Variants in SOX6 observed in about 807,000 individuals in gnomAD.
SOX6 encodes transcription factor SOX-6.
SOX6 carries 11 observed loss-of-function variants against 97.8 expected under a neutral mutation model. The observed-to-expected ratio is 0.11, with a 90% CI of 0.07 to 0.19. SOX6 has a LOEUF of 0.19. Among genes scored for constraint, SOX6 ranks in the 10% least tolerant of loss-of-function variants. The pLI is 1.00. For missense variants in SOX6, 810 were observed against 1,039.5 expected, an observed-to-expected ratio of 0.78 and a Z score of 3.04; for synonymous variants, 360 against 371.4, an observed-to-expected ratio of 0.97 and a Z score of 0.35.
At chr11:16,364,959 AC>A (rs1331527299) in intron 1 of SOX6, among the ~76,000 whole-genome samples, 1 of 152,136 alleles carries the variant, frequency 6.6e-6, no homozygotes, top group African/African-American at 2.4e-5. Context: ...AGTAACACAT[AC>A]TTTTATCTCG....
intron 12 of SOX6, among the ~76,000 whole-genome samples, chr11:16,041,644 A>G (rs191526782): frequency 3.9e-5 from 6 of 152,292 alleles, no homozygotes; most frequent in Admixed American, 6.5e-5. Context: ...TAAAAAAATT[A>G]TAGATTAAAA....
chr11:16,093,644 C>T (rs997272256), intron 9 of SOX6, among the ~76,000 whole-genome samples: 1 of 151,834 alleles, frequency 6.6e-6, no homozygotes, highest in Non-Finnish European at 1.5e-5. Flanking sequence ...TCCTAAGAAT[C>T]TCTGTTTAGA....
chr11:16,084,390 C>G (rs552917232), intron 9 of SOX6, among the ~76,000 whole-genome samples: 1 of 151,828 alleles, frequency 6.6e-6, no homozygotes, highest in South Asian at 2.1e-4. Context: ...AGTACATGTT[C>G]AATAAATATT....
At chr11:16,661,348 G>C (rs929336512) in intron 3 of SOX6, among the ~76,000 whole-genome samples, 2 of 151,868 alleles carry the variant, frequency 1.3e-5, no homozygotes, top group Admixed American at 1.3e-4. Context: ...TTTAAATTGG[G>C]CTTTTTGTAA....
chr11:16,494,311 C>T (rs893744682), intron 4 of SOX6, among the ~76,000 whole-genome samples: 6 of 151,986 alleles, frequency 3.9e-5, no homozygotes, highest in Non-Finnish European at 5.9e-5. Flanking sequence ...AGAAGGCGGA[C>T]GTTGCAGTGA....
intron 3 of SOX6, among the ~76,000 whole-genome samples, chr11:16,281,371 G>C (rs1308291736): frequency 6.6e-6 from 1 of 151,946 alleles, no homozygotes; most frequent in Non-Finnish European, 1.5e-5. Context: ...ACATTTATTT[G>C]AATGAAAGAC....
chr11:16,333,809 A>G (rs1486537032), intron 2 of SOX6, among the ~76,000 whole-genome samples: 1 of 152,144 alleles, frequency 6.6e-6, no homozygotes, highest in Non-Finnish European at 1.5e-5. Flanking sequence ...TCTAAGCTAC[A>G]CTTTGGTCAT....
intron 3 of SOX6, among the ~76,000 whole-genome samples, chr11:16,693,921 T>C (rs1848034185): frequency 1.3e-5 from 2 of 152,224 alleles, no homozygotes; most frequent in African/African-American, 4.8e-5. Context: ...TCAATATTTA[T>C]TTTAAGATAG....
Position 16,373,253 on chromosome 11 carries a change from C to T in SOX6, c.-4-32001G>A, listed in dbSNP as rs12798123. Among the ~76,000 whole-genome samples the T allele has an allele frequency of 6.1e-3, 928 of 152,116 alleles. 4 individuals are homozygous for T. Among genetic ancestry groups the T allele is most frequent in the Non-Finnish European group, 8.9e-3 (602 of 67,976 alleles). Reference sequence around the variant, plus strand: ...AATGACAACCACAAAGGACAATTCACGATATGCAGTTCTATATGTCTACAA... The same window carrying T: ...AATGACAACCACAAAGGACAATTCATGATATGCAGTTCTATATGTCTACAA... On this transcript the variant is annotated intron_variant, in intron 1 of 15. Coordinates refer to the SOX6 transcript ENST00000396356.
intron 1 of SOX6, among the ~76,000 whole-genome samples, chr11:16,352,681 A>T (rs1003520441): frequency 1.3e-5 from 2 of 152,152 alleles, no homozygotes; most frequent in African/African-American, 4.8e-5. Context: ...ACTAATTTAT[A>T]CCATTCCTGT....
intron 1 of SOX6, chr11:16,402,628 AT>A (rs762731836): frequency 1.6e-5 from 26 of 1,594,436 alleles, no homozygotes; most frequent in Non-Finnish European, 2.1e-5. Flanking sequence ...TTACCCTTTC[AT>A]TTTTTTTAAC....
At chr11:16,023,440 G>A (rs1855126763) in intron 12 of SOX6, 1 of 151,904 alleles carries the variant, frequency 6.6e-6, no homozygotes, top group Non-Finnish European at 1.5e-5. Flanking sequence ...TAAATAAAAT[G>A]CAATTATTTT....
chr11:16,357,606 T>C (rs1253069445), upstream of SOX6, among the ~76,000 whole-genome samples: 1 of 152,156 alleles, frequency 6.6e-6, no homozygotes, highest in Admixed American at 6.6e-5. Flanking sequence ...AATGACACAT[T>C]GCTTGCACAT....
intron 6 of SOX6, among the ~76,000 whole-genome samples, chr11:16,169,479 G>A (rs1850973965): frequency 6.6e-6 from 1 of 151,948 alleles, no homozygotes; most frequent in African/African-American, 2.4e-5. Context: ...CAAGTTGAAA[G>A]GGAAAATGAT....
At chr11:16,658,475 A>G (rs7480604) in intron 3 of SOX6, among the ~76,000 whole-genome samples, 151,318 of 152,218 alleles carry the variant, frequency 0.99, 75,222 homozygotes, top group East Asian at 1. Context: ...TTGGGAGGCC[A>G]AGGCAGGCAG....
rs1046306454 is a variant in SOX6 at position 16,106,087 on chromosome 11, T to C, written c.898+5716A>G. Among the ~76,000 whole-genome samples, 5 of 152,080 alleles carry C rather than the reference T, an allele frequency of 3.3e-5. No homozygotes were observed. In the East Asian group the frequency reaches 5.8e-4, roughly 18 times the overall value. ...ATAAATGGAAAAGCATCTGTGCTCA[T>C]GGGTAGGAAGATTTAACACTGTTAA... is the stretch of plus-strand genomic sequence containing the variant. On this transcript the variant is annotated intron_variant, in intron 7 of 15. Coordinates refer to ENST00000683767, the MANE Select transcript of SOX6 (RefSeq NM_001367873.1).
chr11:16,725,952 G>A (rs905365290), intron 2 of SOX6, among the ~76,000 whole-genome samples: 5 of 152,060 alleles, frequency 3.3e-5, no homozygotes, highest in East Asian at 1.9e-4. Context: ...GTTTTAAATT[G>A]TTTAGTTAAT....
chr11:16,532,062 T>C lies in SOX6; in HGVS notation n.610-55674A>G, dbSNP rs968000248. On this transcript the variant is annotated intron_variant and non_coding_transcript_variant, in intron 4 of 5. Transcript: ENST00000524520. ...AATCTCCAATTGGGCAAGTGAAGAC[T>C]TCCTATGCCATTTTCTTCTTATTTT... is the stretch of plus-strand genomic sequence containing the variant. Among the ~76,000 whole-genome samples the C allele has an allele frequency of 7.2e-5, 11 of 151,994 alleles. No individual in the cohort carries two copies. In the East Asian group the frequency reaches 2.1e-3, roughly 29 times the overall value.
intron 4 of SOX6, among the ~76,000 whole-genome samples, chr11:16,590,142 C>A (rs1848133222): frequency 6.6e-6 from 1 of 152,166 alleles, no homozygotes; most frequent in African/African-American, 2.4e-5. Flanking sequence ...ATAGGTGGTA[C>A]TGCCAAAATG....
Sources: allele counts gnomAD v4.1 joint callset (sites outside exome capture counted in the v4.1 genomes callset), GRCh38; gene constraint gnomAD v4.1.1; transcripts MANE v1.5; gene names NCBI Gene and HGNC (gene_info 2026-07-23, HGNC 2026-07-21).